Variants in RC3H1 observed in about 807,000 individuals in gnomAD.
RC3H1 encodes roquin-1.
In RC3H1, 50 loss-of-function variants were observed where a neutral mutation model predicts 138.2. The observed-to-expected ratio is 0.36, with a 90% CI of 0.29 to 0.46. The LOEUF is 0.46. RC3H1 is among the 20% of genes least tolerant of loss of function. RC3H1 has a pLI of 1.00. For synonymous variants in RC3H1, 462 were observed against 489.1 expected, an observed-to-expected ratio of 0.94 and a Z score of 0.73; for missense variants, 1,031 against 1,388.1, an observed-to-expected ratio of 0.74 and a Z score of 4.09.
intron 11 of RC3H1, among the ~76,000 whole-genome samples, chr1:173,963,691 T>C (rs1433365557): frequency 6.6e-6 from 1 of 152,220 alleles, no homozygotes; most frequent in Non-Finnish European, 1.5e-5. Flanking sequence ...CAAATTTCCA[T>C]TGCCTACTTG....
intron 1 of RC3H1, among the ~76,000 whole-genome samples, chr1:174,009,912 G>T (rs1405874159): frequency 6.6e-6 from 1 of 152,052 alleles, no homozygotes; most frequent in Admixed American, 6.6e-5. Context: ...TCTTTTATGC[G>T]GATCACATGC....
At chr1:173,940,705 G>A (rs1182474003) in intron 19 of RC3H1, among the ~76,000 whole-genome samples, 6 of 151,496 alleles carry the variant, frequency 4.0e-5, no homozygotes, top group South Asian at 4.2e-4. Context: ...GGCTGTATTC[G>A]AAATAAATTT....
intron 1 of RC3H1, among the ~76,000 whole-genome samples, chr1:174,020,524 G>A (rs1400401084): frequency 6.6e-6 from 1 of 152,134 alleles, no homozygotes; most frequent in Non-Finnish European, 1.5e-5. Flanking sequence ...TTTCAGCACA[G>A]GTCAGTGCTG....
In RC3H1 at chr1:173,965,031, G is replaced by C. The variant is rs1321041585; in HGVS notation, c.1424C>G (p.Ala475Gly). 5 of 1,614,068 alleles carry C rather than the reference G, an allele frequency of 3.1e-6. No homozygotes were observed. The Admixed American group carries it at 8.3e-5, about 27-fold the overall frequency. ...QLNEVGLPSA[A>G]ILPDEGAVDL... ...CACTGCACCTTCATCTGGAAGGATA[G>C]CTGCTGAAGGCAGGCCCACCTCATT... The change falls in exon 10 of 20, where the codon GCT becomes GGT. Residue 475 changes from alanine (A) to glycine (G), a missense_variant. Transcript: ENST00000367696.
At chr1:173,954,778 C>T (rs1372461799) in intron 13 of RC3H1, among the ~76,000 whole-genome samples, 1 of 152,106 alleles carries the variant, frequency 6.6e-6, no homozygotes, top group Non-Finnish European at 1.5e-5. Flanking sequence ...GCCTGGGCAA[C>T]ACAGCAAGAC....
intron 12 of RC3H1, among the ~76,000 whole-genome samples, 161 bp downstream of exon 12, chr1:173,961,563 TA>T (rs57104242): frequency 0.22 from 30,804 of 143,170 alleles, 3,688 homozygotes; most frequent in Middle Eastern, 0.34. Flanking sequence ...TTATATAGTT[TA>T]AAAAAAAAAA....
chr1:173,972,393 A>G, intron 8 of RC3H1, 116 bp downstream of exon 8: 1 of 682,224 alleles, frequency 1.5e-6, no homozygotes, highest in Non-Finnish European at 2.7e-6. Context: ...CAGAGTCTCA[A>G]AATGTTCATG....
At chr1:173,994,945 G>A (rs993876726) in intron 1 of RC3H1, among the ~76,000 whole-genome samples, 1 of 152,106 alleles carries the variant, frequency 6.6e-6, no homozygotes, top group African/African-American at 2.4e-5. Context: ...AAGTCCACAT[G>A]GAGCTTGCAC....
chr1:173,959,300 T>C (rs1659771488), intron 13 of RC3H1, among the ~76,000 whole-genome samples: 1 of 152,116 alleles, frequency 6.6e-6, no homozygotes, highest in Non-Finnish European at 1.5e-5. Context: ...TTTCTCTATA[T>C]TAATAATAGA....
At chr1:173,975,172 T>G (rs1281988603) in intron 7 of RC3H1, among the ~76,000 whole-genome samples, 3 of 152,182 alleles carry the variant, frequency 2.0e-5, no homozygotes, top group Non-Finnish European at 4.4e-5. Flanking sequence ...CTCTGCTCAC[T>G]GCAACCTCCA....
intron 1 of RC3H1, among the ~76,000 whole-genome samples, chr1:174,000,525 T>G (rs1419271926): frequency 6.6e-6 from 1 of 152,216 alleles, no homozygotes; most frequent in African/African-American, 2.4e-5. Context: ...CACCAGGTCT[T>G]ACATATCTGA....
At chr1:173,958,520 T>C (rs1163979176) in intron 13 of RC3H1, among the ~76,000 whole-genome samples, 1 of 151,308 alleles carries the variant, frequency 6.6e-6, no homozygotes, top group Non-Finnish European at 1.5e-5. Context: ...CACTCCAGCC[T>C]GGGCGACAGA....
chr1:173,942,446 A>AAAAAAAAAAAAAAAAAAAG (rs1658924416), intron 18 of RC3H1, among the ~76,000 whole-genome samples: 1 of 149,490 alleles, frequency 6.7e-6, no homozygotes, highest in African/African-American at 2.5e-5. Context: ...AAAAAAAAAA[A>AAAAAAAAAAAAAAAAAAAG]AAAAGAAAAG....
rs574122010 is a variant in RC3H1 at position 173,970,490 on chromosome 1, G to A, written c.1334+15C>T. 4.5e-6 allele frequency: 7 copies of A among 1,569,174 alleles called. No individual in the cohort carries two copies. The South Asian group carries it at 5.6e-5, about 12-fold the overall frequency. On this transcript the variant is annotated intron_variant, in intron 9 of 19. Coordinates refer to ENST00000367696, the MANE Select transcript of RC3H1 (RefSeq NM_172071.4). The stretch of plus-strand genomic sequence containing the variant: ...CTTACACCTTATTCCAAAGTCTCCT[G>A]ACTTTCACACTTACTTTTCCAGTTC...
Position 173,947,228 on chromosome 1 carries a change from T to C in RC3H1, c.2737+141A>G. 7 of 641,278 alleles carry C rather than the reference T, an allele frequency of 1.1e-5. No homozygotes were observed. The South Asian group carries it at 1.2e-4, about 11-fold the overall frequency. The allele number at this position is 641,278 out of a possible 1,614,324, so 39.7% of individuals were successfully genotyped here. ...ATTCTCTGGGTTATATTACCTTTCTTACAGGGATGATTCCATGGAAAGTTT... is the reference window on the plus strand; with the variant it reads ...ATTCTCTGGGTTATATTACCTTTCTCACAGGGATGATTCCATGGAAAGTTT... On this transcript the variant is annotated intron_variant, in intron 15 of 19. Transcript: ENST00000367696.
intron 14 of RC3H1, among the ~76,000 whole-genome samples, chr1:173,950,737 G>C (rs563184778): frequency 6.6e-6 from 1 of 151,556 alleles, no homozygotes; most frequent in South Asian, 2.1e-4. Flanking sequence ...AAATAAAAAG[G>C]GAATTAAGAT....
intron 1 of RC3H1, among the ~76,000 whole-genome samples, chr1:173,996,643 C>G (rs1314395382): frequency 3.3e-5 from 5 of 152,154 alleles, no homozygotes; most frequent in Non-Finnish European, 1.5e-5. Flanking sequence ...CTGGGAGAAG[C>G]TATAGCTTCA....
rs1384850808 is a variant in RC3H1, at chr1:173,932,698, C to A, written c.*6023G>T. The A allele has an allele frequency of 6.6e-6, 1 of 151,710 alleles. No homozygotes were observed. The highest frequency in any genetic ancestry group is 6.6e-5 in the Admixed American group (1 of 15,204). The allele number at this position is 151,710 out of a possible 1,614,324, so 9.4% of individuals were successfully genotyped here. A position where few individuals can be genotyped will look rare whatever the true frequency, so the allele number is the denominator to read the frequency against. ...AAAAACGATAAGCAAAAGCTAAATG[C>A]CTTTAAGTCAGAGAATTATTTTATG... is the stretch of plus-strand genomic sequence containing the variant. On this transcript the variant is annotated 3_prime_UTR_variant, in exon 20 of 20. Transcript: ENST00000367696.
At chr1:174,009,864 C>CT (rs1367482269) in intron 1 of RC3H1, among the ~76,000 whole-genome samples, 3 of 152,080 alleles carry the variant, frequency 2.0e-5, no homozygotes, top group Non-Finnish European at 2.9e-5. Context: ...TTGTTTCTAT[C>CT]TTTAACTATT....
Sources: gnomAD v4.1 joint callset for allele counts (sites outside exome capture counted in the v4.1 genomes callset) on GRCh38, gnomAD v4.1.1 for gene constraint, MANE v1.5 for transcripts, NCBI Gene and HGNC (gene_info 2026-07-23, HGNC 2026-07-21) for gene names.